THSD4: variants seen among roughly 807,000 people sequenced by gnomAD.
The protein encoded by THSD4 is thrombospondin type 1 domain containing 4.
Under a neutral mutation model 119.0 loss-of-function variants are expected in THSD4, and 69 were observed. The observed-to-expected ratio is 0.58, with a 90% confidence interval of 0.48 to 0.71. The LOEUF (loss-of-function observed/expected upper bound fraction) is 0.71. Ranked by LOEUF, THSD4 falls within the 30% of genes least tolerant of loss-of-function variation. The pLI, the probability that THSD4 is intolerant of heterozygous loss-of-function variation, is 0.00. For synonymous variants in THSD4, 524 were observed against 540.4 expected (o/e 0.97, Z 0.42); for missense variants, 1,393 against 1,391.1 (o/e 1.00, Z -0.02).
chr15:71,470,392 T>A (rs2047558650), intron 7 of THSD4, among the ~76,000 whole-genome samples: 1 of 152,240 alleles, frequency 6.6e-6, no homozygotes, highest in African/African-American at 2.4e-5. Flanking sequence ...AGTCTCAATA[T>A]AAAGGTCTTT....
intron 6 of THSD4, among the ~76,000 whole-genome samples, chr15:71,306,127 G>A (rs538318195): frequency 1.2e-4 from 18 of 152,020 alleles, no homozygotes; most frequent in South Asian, 4.2e-4. Context: ...CCAACATGGC[G>A]AAACCTCTTC....
chr15:71,775,122 C>T (rs895118587), intron 17 of THSD4, among the ~76,000 whole-genome samples: 1 of 151,198 alleles, frequency 6.6e-6, no homozygotes, highest in Admixed American at 6.6e-5. Context: ...CTCCAGCCTG[C>T]GCAACAAGAG....
intron 7 of THSD4, among the ~76,000 whole-genome samples, chr15:71,645,079 C>T (rs2050941914): frequency 6.6e-6 from 1 of 152,142 alleles, no homozygotes; most frequent in Non-Finnish European, 1.5e-5. Flanking sequence ...AGCCCTCAAT[C>T]ATATACAGAA....
At chr15:71,239,057 A>C (rs1269163544) in intron 4 of THSD4, among the ~76,000 whole-genome samples, 1 of 152,230 alleles carries the variant, frequency 6.6e-6, no homozygotes, top group Non-Finnish European at 1.5e-5. Flanking sequence ...AAGTTGGTAG[A>C]GCTATTAAAT....
At chr15:71,357,238 G>A (rs2045827666) in intron 6 of THSD4, among the ~76,000 whole-genome samples, 1 of 152,216 alleles carries the variant, frequency 6.6e-6, no homozygotes, top group Non-Finnish European at 1.5e-5. Flanking sequence ...GGTGGCCACT[G>A]CATGGACAAG....
intron 7 of THSD4, among the ~76,000 whole-genome samples, chr15:71,579,921 G>C (rs2049526164): frequency 6.6e-6 from 1 of 151,376 alleles, no homozygotes; most frequent in South Asian, 2.1e-4. Flanking sequence ...TTTTGAGGAG[G>C]GTGATGCTCA....
intron 5 of THSD4, among the ~76,000 whole-genome samples, chr15:71,248,660 G>C (rs72759647): frequency 0.038 from 5,786 of 152,228 alleles, 180 homozygotes; most frequent in Non-Finnish European, 0.056. Context: ...GGTAGGACTG[G>C]CTTTTGACAA....
chr15:71,533,577 A>G (rs548706455), intron 7 of THSD4, among the ~76,000 whole-genome samples: 4 of 151,892 alleles, frequency 2.6e-5, no homozygotes, highest in African/African-American at 9.7e-5. Context: ...CAAGATGAAA[A>G]CTCTTTTTTA....
intron 4 of THSD4, among the ~76,000 whole-genome samples, chr15:71,221,488 C>T (rs1209982369): frequency 6.6e-6 from 1 of 152,152 alleles, no homozygotes; most frequent in East Asian, 1.9e-4. Flanking sequence ...TACTTTCTTC[C>T]TCTATGATTT....
chr15:71,715,990 A>G (rs938014865), intron 8 of THSD4, among the ~76,000 whole-genome samples: 1 of 152,176 alleles, frequency 6.6e-6, no homozygotes, highest in Admixed American at 6.5e-5. Context: ...GGGTGGATTA[A>G]AACAACAGAA....
chr15:71,742,641 A>G (rs2053258586), intron 11 of THSD4, among the ~76,000 whole-genome samples: 1 of 152,152 alleles, frequency 6.6e-6, no homozygotes, highest in Non-Finnish European at 1.5e-5. Context: ...CTTGCTAGCA[A>G]ATAGAGGAAT....
chr15:71,419,208 CTTTTTCT>C (rs1410599835), intron 7 of THSD4, among the ~76,000 whole-genome samples: 1 of 11,138 alleles, frequency 9.0e-5, no homozygotes, highest in African/African-American at 1.6e-4. Flanking sequence ...TTTTCTTTTT[CTTTTTCT>C]TTTTTTTTAG....
At chr15:71,163,442 C>G (rs1469236894) in intron 3 of THSD4, among the ~76,000 whole-genome samples, 1 of 152,034 alleles carries the variant, frequency 6.6e-6, no homozygotes, top group Admixed American at 6.6e-5. Flanking sequence ...AATACTGGCA[C>G]TTTAAGAAAA....
intron 6 of THSD4, among the ~76,000 whole-genome samples, chr15:71,263,071 C>G (rs577301669): frequency 6.6e-6 from 1 of 151,788 alleles, no homozygotes; most frequent in African/African-American, 2.4e-5. Flanking sequence ...CCCAGTTATT[C>G]AGCTTAGTAA....
rs374578525 is a variant in THSD4, at chr15:71,243,664, A to G, written c.912+568A>G. On this transcript the variant is annotated intron_variant, in intron 5 of 17. Transcript: ENST00000261862. ...TGTATAGCTGTACTCATGCATATAT[A>G]TACAGGTATACCCACTTTGGATATC... 1.4e-4 allele frequency among the ~76,000 whole-genome samples: 21 copies of G among 152,220 alleles called. No individual in the cohort carries two copies. The East Asian group carries it at 3.5e-3, about 25-fold the overall frequency.
In THSD4 at chr15:71,413,517, G is replaced by T. The variant is rs185405272; in HGVS notation, c.1152+1694G>T. On this transcript the variant is annotated intron_variant, in intron 7 of 17. Coordinates refer to ENST00000261862, the MANE Select transcript of THSD4 (RefSeq NM_024817.3). ...CTCAGTCTTCAGGAGTTCAATTTTGGTTTTTTTAGCTCCCACATGTGAGTG... is the reference window on the plus strand; with the variant it reads ...CTCAGTCTTCAGGAGTTCAATTTTGTTTTTTTTAGCTCCCACATGTGAGTG... Among the ~76,000 whole-genome samples the T allele has an allele frequency of 3.8e-3, 577 of 152,118 alleles. 12 individuals carry two copies. Among genetic ancestry groups the T allele is most frequent in the Admixed American group, 0.035 (528 of 15,278 alleles).
chr15:71,184,820 C>T (rs1057218705), intron 3 of THSD4, among the ~76,000 whole-genome samples: 3 of 151,860 alleles, frequency 2.0e-5, no homozygotes, highest in African/African-American at 7.2e-5. Flanking sequence ...AGGTTACCCT[C>T]ACGCTGTCCT....
At chr15:71,624,892 C>T (rs1205500688) in intron 7 of THSD4, among the ~76,000 whole-genome samples, 33 of 152,232 alleles carry the variant, frequency 2.2e-4, no homozygotes, top group Admixed American at 2.2e-3. Context: ...CATACATGTA[C>T]ACCTGGACTT....
intron 8 of THSD4, among the ~76,000 whole-genome samples, chr15:71,704,092 C>T (rs2052348381): frequency 6.6e-6 from 1 of 152,122 alleles, no homozygotes; most frequent in Non-Finnish European, 1.5e-5. Flanking sequence ...TCGTGATCCG[C>T]CCACCTTGGC....
Sources: gnomAD v4.1 joint callset for allele counts (sites outside exome capture counted in the v4.1 genomes callset) on GRCh38, gnomAD v4.1.1 for gene constraint, MANE v1.5 for transcripts, NCBI Gene and HGNC (gene_info 2026-07-23, HGNC 2026-07-21) for gene names.